Variants in GPATCH8 observed in about 807,000 individuals in gnomAD.
GPATCH8 encodes the protein G-patch domain containing 8.
A neutral mutation model predicts 118.3 loss-of-function variants in GPATCH8; 18 were observed. That is an observed-to-expected ratio of 0.15 (90% confidence interval 0.11 to 0.23). The LOEUF (loss-of-function observed/expected upper bound fraction) is 0.23, where lower values mean the gene tolerates loss of function less well. GPATCH8 is among the 10% of genes least tolerant of loss of function. GPATCH8 has a pLI of 1.00. For missense variants in GPATCH8, 1,631 were observed against 1,873.8 expected, an observed-to-expected ratio of 0.87 and a Z score of 2.39; for synonymous variants, 659 against 684.7, an observed-to-expected ratio of 0.96 and a Z score of 0.59.
At chr17:44,409,265 C>T (rs1038388309) in intron 6 of GPATCH8, 4 of 152,228 alleles carry the variant, frequency 2.6e-5, no homozygotes, top group African/African-American at 4.8e-5. Flanking sequence ...ATCAGCATAG[C>T]GCACTATAGT....
chr17:44,402,008 A>C (rs1303895572), intron 7 of GPATCH8, among the ~76,000 whole-genome samples: 1 of 111,490 alleles, frequency 9.0e-6, no homozygotes, highest in Non-Finnish European at 2.2e-5. Flanking sequence ...CCTCTCAAAA[A>C]AATTAAAAAA....
intron 1 of GPATCH8, among the ~76,000 whole-genome samples, chr17:44,491,383 G>C (rs1365638160): frequency 6.6e-6 from 1 of 151,750 alleles, no homozygotes; most frequent in East Asian, 1.9e-4. Context: ...CAGCTGCTTG[G>C]GAGGCTGAAG....
At chr17:44,453,530 T>TGTGTGTGTGTGTGTGTGTGTGTGC (rs1052518435) in intron 3 of GPATCH8, among the ~76,000 whole-genome samples, 15 of 150,562 alleles carry the variant, frequency 1.0e-4, no homozygotes, top group African/African-American at 2.9e-4. Flanking sequence ...TGTGTGTGTG[T>TGTGTGTGTGTGTGTGTGTGTGTGC]GCAGGCGCGC....
chr17:44,407,681 G>A (rs532771674), intron 6 of GPATCH8, among the ~76,000 whole-genome samples: 1 of 148,274 alleles, frequency 6.7e-6, no homozygotes, highest in Non-Finnish European at 1.5e-5. Flanking sequence ...TTTTGAGATG[G>A]AGTCTCACTC....
chr17:44,435,205 G>T, intron 4 of GPATCH8, 54 bp from the exon 5 acceptor site: 1 of 861,656 alleles, frequency 1.2e-6, no homozygotes. Context: ...CCCAAGATTA[G>T]CTATGAAAAA....
At chr17:44,432,468 G>A (rs184086932) in intron 5 of GPATCH8, among the ~76,000 whole-genome samples, 46 of 152,228 alleles carry the variant, frequency 3.0e-4, no homozygotes, top group Non-Finnish European at 6.2e-4. Flanking sequence ...ACACATGAGA[G>A]GATTAATTGG....
chr17:44,433,482 A>G (rs767150960), intron 5 of GPATCH8, among the ~76,000 whole-genome samples: 2 of 152,266 alleles, frequency 1.3e-5, no homozygotes, highest in Non-Finnish European at 2.9e-5. Flanking sequence ...ATAAAAATTT[A>G]TAATTACAAA....
At chr17:44,465,847 A>T (rs1457768407) in intron 2 of GPATCH8, 1 of 152,230 alleles carries the variant, frequency 6.6e-6, no homozygotes, top group African/African-American at 2.4e-5. Flanking sequence ...GAGGAAAGAA[A>T]AACATTTTTT....
chr17:44,451,120 T>C (rs923555918), intron 3 of GPATCH8, among the ~76,000 whole-genome samples: 5 of 152,050 alleles, frequency 3.3e-5, no homozygotes, highest in African/African-American at 1.2e-4. Flanking sequence ...ACATTCTTTT[T>C]CTCTTTTTCT....
intron 2 of GPATCH8, among the ~76,000 whole-genome samples, chr17:44,474,016 G>A (rs1967527323): frequency 2.0e-5 from 3 of 152,268 alleles, no homozygotes; most frequent in Admixed American, 6.5e-5. Context: ...TAAAGATTAA[G>A]ATTCCCTTTT....
chr17:44,442,886 T>TG (rs1308052672), intron 3 of GPATCH8, among the ~76,000 whole-genome samples: 1 of 152,174 alleles, frequency 6.6e-6, no homozygotes, highest in East Asian at 1.9e-4. Flanking sequence ...GAGACCATAC[T>TG]GGGCAATAGA....
At chr17:44,477,133 C>A (rs542876096) in intron 1 of GPATCH8, among the ~76,000 whole-genome samples, 1 of 152,278 alleles carries the variant, frequency 6.6e-6, no homozygotes, top group East Asian at 1.9e-4. Context: ...AATTAAAATT[C>A]TAATTCAATA....
Position 44,398,274 on chromosome 17 carries a change from C to A in GPATCH8, c.3803G>T (p.Ser1268Ile), listed in dbSNP as rs763650882. The A allele has an allele frequency of 1.9e-6, 3 of 1,613,584 alleles. No individual in the cohort carries two copies. The South Asian group carries it at 3.3e-5, about 18-fold the overall frequency. The change falls in exon 8 of 8, where the codon AGC becomes ATC. Residue 1268 changes from serine to isoleucine, a missense_variant. By Grantham distance (142) the Ser-to-Ile change is moderately radical. Transcript: ENST00000591680. ...SSSQPGPVESSLLPIAPDLEH... is the reference protein window; with the variant it reads ...SSSQPGPVESILLPIAPDLEH... ...AAGGTCTGGTGCTATAGGCAGCAAG[C>A]TGGACTCCACAGGGCCTGGCTGACT...
At chr17:44,415,536 G>A (rs1051926411) in intron 6 of GPATCH8, among the ~76,000 whole-genome samples, 1 of 152,170 alleles carries the variant, frequency 6.6e-6, no homozygotes, top group African/African-American at 2.4e-5. Flanking sequence ...TGCTCAATCT[G>A]TATTTACATA....
chr17:44,452,272 C>CAA lies in GPATCH8; in HGVS notation c.193+12198_193+12199dup, dbSNP rs1187689963. 1.0e-3 allele frequency among the ~76,000 whole-genome samples: 44 copies of CAA among 43,366 alleles called. 1 individual carries two copies. Among genetic ancestry groups the CAA allele is most frequent in the Non-Finnish European group, 1.3e-3 (25 of 18,540 alleles). The allele number at this position is 43,366 out of a possible 152,430, so 28.4% of individuals were successfully genotyped here. A position where few individuals can be genotyped will look rare whatever the true frequency, so the allele number is the denominator to read the frequency against. On this transcript the variant is annotated intron_variant, in intron 3 of 7. Coordinates refer to ENST00000591680, the MANE Select transcript of GPATCH8 (RefSeq NM_001002909.4). ...TGGGTGACAGAGCAACACTCCGTCT[C>CAA]AAAAAAAAAAAAAAAAAGAAAAAAA...
intron 1 of GPATCH8, among the ~76,000 whole-genome samples, chr17:44,482,608 A>T (rs931695212): frequency 6.6e-6 from 1 of 151,278 alleles, no homozygotes; most frequent in South Asian, 2.1e-4. Flanking sequence ...CCAAACCTAG[A>T]TGACGGGTTC....
At chr17:44,492,965 C>CA (rs1490300430) in intron 1 of GPATCH8, among the ~76,000 whole-genome samples, 1 of 151,286 alleles carries the variant, frequency 6.6e-6, no homozygotes, top group African/African-American at 2.4e-5. Flanking sequence ...GCTAGACCCA[C>CA]AGACAGTGAA....
chr17:44,483,855 GTT>G (rs1378436260), intron 1 of GPATCH8, among the ~76,000 whole-genome samples: 3 of 149,922 alleles, frequency 2.0e-5, no homozygotes, highest in East Asian at 3.9e-4. Flanking sequence ...TGTTGTTGTT[GTT>G]TTGAGACAGA....
rs1314288783 is a variant in GPATCH8, at chr17:44,397,174, G to C, written c.*394C>G. The C allele has an allele frequency of 4.3e-6, 2 of 459,784 alleles. No homozygotes were observed. The highest frequency in any genetic ancestry group is 8.7e-6 in the Non-Finnish European group (2 of 230,944). The allele number at this position is 459,784 out of a possible 1,614,324, so 28.5% of individuals were successfully genotyped here. On this transcript the variant is annotated 3_prime_UTR_variant, in exon 8 of 8. Transcript: ENST00000591680. ...AGATGGGCCCACAGCAAGTGCTCTG[G>C]TGACAACCCACTGGCCAGAGGGGAG...
Sources: gnomAD v4.1 joint callset for allele counts (sites outside exome capture counted in the v4.1 genomes callset) on GRCh38, gnomAD v4.1.1 for gene constraint, MANE v1.5 for transcripts, NCBI Gene and HGNC (gene_info 2026-07-23, HGNC 2026-07-21) for gene names.